The following GAK variants were observed in gnomAD, a reference collection of about 807,000 sequenced individuals.
GAK encodes cyclin G associated kinase, also known as cyclin-G-associated kinase.
GAK carries 79 observed loss-of-function variants against 143.9 expected under a neutral mutation model. That is an observed-to-expected ratio of 0.55 (90% confidence interval 0.46 to 0.66). The LOEUF (loss-of-function observed/expected upper bound fraction) is 0.66. GAK is among the 30% of genes least tolerant of loss of function. GAK has a pLI of 0.00. For synonymous variants in GAK, 881 were observed against 765.5 expected (o/e 1.15, Z -2.49); for missense variants, 1,693 against 1,779.7 (o/e 0.95, Z 0.88).
intron 20 of GAK, among the ~76,000 whole-genome samples, 187 bp downstream of exon 20, chr4:868,352 G>C (rs1711519034): frequency 6.6e-6 from 1 of 152,152 alleles, no homozygotes. Flanking sequence ...CCTTTAAAAA[G>C]ATATGAAATC....
Position 857,931 on chromosome 4 carries a change from T to C in GAK, c.3283+1675A>G, listed in dbSNP as rs374177387. On this transcript the variant is annotated intron_variant, in intron 24 of 27. Transcript: ENST00000314167. ...CACTGCCTGATGGGGCCCTGGGCTT[T>C]CCTAGGCTGCACTTGCATCTTCACT... 6.8e-4 allele frequency among the ~76,000 whole-genome samples: 103 copies of C among 152,328 alleles called. 1 individual carries two copies. Among genetic ancestry groups the C allele is most frequent in the African/African-American group, 2.3e-3 (97 of 41,574 alleles).
At chr4:850,750 G>C in intron 26 of GAK, 186 bp downstream of exon 26, 1 of 518,672 alleles carries the variant, frequency 1.9e-6, no homozygotes, top group South Asian at 3.1e-5. Context: ...CTGTCCTTGA[G>C]GGCTGCCAGG....
At chr4:927,878 T>G (rs1725092595) in intron 1 of GAK, among the ~76,000 whole-genome samples, 1 of 151,584 alleles carries the variant, frequency 6.6e-6, no homozygotes, top group African/African-American at 2.4e-5. Context: ...CCAGGAGAGG[T>G]ACAAAGAAGC....
intron 5 of GAK, among the ~76,000 whole-genome samples, chr4:901,390 C>T (rs985005771): frequency 7.9e-5 from 12 of 152,314 alleles, no homozygotes; most frequent in African/African-American, 2.9e-4. Context: ...CCGGGGCACA[C>T]GTGGAGAGCC....
intron 4 of GAK, among the ~76,000 whole-genome samples, chr4:905,743 C>G (rs912247164): frequency 6.6e-6 from 1 of 152,202 alleles, no homozygotes; most frequent in African/African-American, 2.4e-5. Context: ...CTCCGCCACA[C>G]CCCAGGCCAC....
intron 18 of GAK, among the ~76,000 whole-genome samples, chr4:873,319 G>A (rs1402291261): frequency 1.3e-5 from 2 of 152,080 alleles, no homozygotes; most frequent in South Asian, 2.1e-4. Context: ...ACGAGCATAC[G>A]GTCTCTGGGT....
chr4:893,776 C>A, intron 8 of GAK, 98 bp downstream of exon 8: 1 of 1,382,142 alleles, frequency 7.2e-7, no homozygotes, highest in Admixed American at 2.6e-5. Flanking sequence ...GGGAGTGGGG[C>A]CAGGTGAGCA....
At chr4:914,343 CAA>C (rs1491123934) in intron 1 of GAK, among the ~76,000 whole-genome samples, 27 of 117,990 alleles carry the variant, frequency 2.3e-4, no homozygotes, top group Non-Finnish European at 3.1e-4. Flanking sequence ...CGGCCCCACA[CAA>C]ACACAGCCCC....
intron 22 of GAK, 88 bp downstream of exon 22, chr4:866,276 T>G (rs1478989827): frequency 7.2e-7 from 1 of 1,383,706 alleles, no homozygotes; most frequent in African/African-American, 1.4e-5. Context: ...CACCACTGCC[T>G]GAGACCCACA....
In GAK at chr4:864,975, T is replaced by C. The variant is rs922988497; in HGVS notation, c.3166+147A>G. The C allele has an allele frequency of 8.0e-6, 9 of 1,118,258 alleles. No homozygotes were observed. The East Asian group carries it at 2.2e-4, about 27-fold the overall frequency. The allele number at this position is 1,118,258 out of a possible 1,614,324, so 69.3% of individuals were successfully genotyped here. A position where few individuals can be genotyped will look rare whatever the true frequency, so the allele number is the denominator to read the frequency against. On this transcript the variant is annotated intron_variant, in intron 23 of 27. Coordinates refer to ENST00000314167, the MANE Select transcript of GAK (RefSeq NM_005255.4). Reference sequence around the variant, plus strand: ...CCGCTGCAGTCATACCACAGCCTTGTGTGCGGAGCCCGCACCACCAAGCAC... The same window carrying C: ...CCGCTGCAGTCATACCACAGCCTTGCGTGCGGAGCCCGCACCACCAAGCAC...
At chr4:919,148 C>T (rs188222491) in intron 1 of GAK, among the ~76,000 whole-genome samples, 38 of 145,128 alleles carry the variant, frequency 2.6e-4, no homozygotes, top group African/African-American at 8.9e-4. Context: ...AAGGCCTCAG[C>T]GCCGCATGAC....
chr4:849,825 C>T (rs767684067), intron 27 of GAK, 51 bp from the exon 28 acceptor site: 22 of 1,229,752 alleles, frequency 1.8e-5, no homozygotes, highest in East Asian at 5.5e-5. Flanking sequence ...CGGGGGCGGG[C>T]GGGGCAGGAC....
chr4:908,194 G>A lies in GAK; in HGVS notation c.383-3415C>T, dbSNP rs190834547. The stretch of plus-strand genomic sequence containing the variant: ...CATCACTAGACCCACAGGAAGCCCC[G>A]TCTGGCCTTTATCCAAGTTACTCCA... On this transcript the variant is annotated intron_variant, in intron 4 of 27. Transcript: ENST00000314167. Among the ~76,000 whole-genome samples, 1,000 of 152,278 alleles carry A rather than the reference G, an allele frequency of 6.6e-3. 6 individuals carry two copies. Among genetic ancestry groups the A allele is most frequent in the Admixed American group, 7.9e-3 (121 of 15,310 alleles).
chr4:858,439 A>G (rs1415313981), intron 24 of GAK, among the ~76,000 whole-genome samples: 1 of 152,034 alleles, frequency 6.6e-6, no homozygotes, highest in African/African-American at 2.4e-5. Flanking sequence ...CTTCTGCCCC[A>G]GTGCCGGCTG....
intron 5 of GAK, among the ~76,000 whole-genome samples, chr4:903,437 A>G (rs1369489571): frequency 1.3e-5 from 2 of 152,178 alleles, no homozygotes; most frequent in African/African-American, 4.8e-5. Context: ...CCAGCGCCTG[A>G]GACAGGGCCA....
At chr4:858,714 G>A (rs1577051694) in intron 24 of GAK, among the ~76,000 whole-genome samples, 1 of 152,226 alleles carries the variant, frequency 6.6e-6, no homozygotes, top group East Asian at 1.9e-4. Flanking sequence ...CAAGAGCAGA[G>A]TGAGGACTCA....
At position 849,693 on chromosome 4, in the gene GAK, C is replaced by T. The variant is rs766178738; in HGVS notation, c.3916G>A (p.Gly1306Ser). 10 of 1,612,882 alleles carry T rather than the reference C, an allele frequency of 6.2e-6. No individual in the cohort carries two copies. The highest frequency in any genetic ancestry group is 2.7e-5 in the African/African-American group (2 of 74,912). Residue 1306 changes from glycine (G) to serine (S), a missense_variant, in exon 28 of 28, where the codon GGC (glycine) becomes AGC (serine). This residue lies in a region of GAK where 822 missense variants were observed against 788.7 expected (regional missense o/e 1.04). Coordinates refer to ENST00000314167, the MANE Select transcript of GAK (RefSeq NM_005255.4). ...NDAWSEFENQ[G>S]SRPLF ...CGGCCTCAGAAGAGGGGCCGGGAGCCCTGGTTCTCAAACTCCGACCAGGCG... is the reference window on the plus strand; with the variant it reads ...CGGCCTCAGAAGAGGGGCCGGGAGCTCTGGTTCTCAAACTCCGACCAGGCG...
At position 876,480 on chromosome 4, in the gene GAK, G is replaced by A. The variant is rs564796281; in HGVS notation, c.2054+50C>T. On this transcript the variant is annotated intron_variant, in intron 18 of 27. Transcript: ENST00000314167. Reference sequence around the variant, plus strand: ...CGACCGGCCCACATGCAGGTGCTGCGGCACAGGGCACCTGTCCCTCCCCAC... The same window carrying A: ...CGACCGGCCCACATGCAGGTGCTGCAGCACAGGGCACCTGTCCCTCCCCAC... 21 of 1,521,808 alleles carry A rather than the reference G, an allele frequency of 1.4e-5. No homozygotes were observed. The East Asian group carries it at 2.5e-4, about 18-fold the overall frequency. 94.3% of individuals were successfully genotyped at this position (1,521,808 alleles called of 1,614,324 possible). A position where few individuals can be genotyped will look rare whatever the true frequency, so the allele number is the denominator to read the frequency against.
rs1298359852 is a variant in GAK, at chr4:866,435, G to A, written c.2972C>T (p.Thr991Ile). 1 of 1,614,144 alleles carries A rather than the reference G, an allele frequency of 6.2e-7. No individual in the cohort carries two copies. The highest frequency in any genetic ancestry group is 1.1e-5 in the South Asian group (1 of 91,086). ...FGEFLNSDSV[T>I]VPPSFPSAHS... is the part of the protein sequence containing the mutation. ...GGCAGACGGGAAGGATGGTGGGACG[G>A]TCACAGAGTCCGAATTGAGAAATTC... Residue 991 changes from threonine to isoleucine, a missense_variant, in exon 22 of 28, where the codon ACC (threonine) becomes ATC (isoleucine). Transcript: ENST00000314167.
Sources: allele counts gnomAD v4.1 joint callset (sites outside exome capture counted in the v4.1 genomes callset), GRCh38; gene constraint gnomAD v4.1.1; regional missense constraint gnomAD v4.1.1; transcripts MANE v1.5; gene names NCBI Gene and HGNC (gene_info 2026-07-23, HGNC 2026-07-21).